The following FAM3B variants were observed in gnomAD, a reference collection of about 807,000 sequenced individuals.
FAM3B encodes FAM3 metabolism regulating signaling molecule B.
FAM3B carries 29 observed loss-of-function variants against 28.4 expected under a neutral mutation model. The observed-to-expected ratio is 1.02, with a 90% CI of 0.76 to 1.39. FAM3B has a LOEUF of 1.39. FAM3B is among the 40% of genes most tolerant of loss of function. The pLI is 0.00. For synonymous variants in FAM3B, 91 were observed against 103.0 expected, an observed-to-expected ratio of 0.88 and a Z score of 0.71; for missense variants, 266 against 293.9, an observed-to-expected ratio of 0.91 and a Z score of 0.69.
upstream of FAM3B, among the ~76,000 whole-genome samples, chr21:41,312,712 T>C (rs2088721753): frequency 6.9e-6 from 1 of 145,498 alleles, no homozygotes; most frequent in Admixed American, 7.0e-5. Context: ...GGTCTCACTG[T>C]GTGTGTGAGA....
chr21:41,316,691 C>T (rs867681934), upstream of FAM3B: 61 of 434,746 alleles, frequency 1.4e-4, no homozygotes, highest in African/African-American at 1.2e-3. Flanking sequence ...GCACCTGCCC[C>T]GCCCACGCCC....
upstream of FAM3B, among the ~76,000 whole-genome samples, chr21:41,315,009 C>G (rs559301993): frequency 9.5e-4 from 145 of 152,192 alleles, 2 homozygotes; most frequent in Middle Eastern, 3.4e-3. Flanking sequence ...GTATTATTCA[C>G]AGTAATTAAG....
chr21:41,335,455 A>C (rs994408051), intron 2 of FAM3B, among the ~76,000 whole-genome samples: 3 of 152,016 alleles, frequency 2.0e-5, no homozygotes, highest in Admixed American at 2.0e-4. Context: ...ATAACAGTGA[A>C]TTTTCATGAG....
rs414382 is a variant in FAM3B, at chr21:41,326,119, C to T, written c.163+3053C>T. On this transcript the variant is annotated intron_variant, in intron 2 of 7. Coordinates refer to ENST00000357985, the MANE Select transcript of FAM3B (RefSeq NM_058186.4). This position sits in a 1 kb window ranked among gnomAD's most constrained non-coding sequence, Gnocchi z 4.0. ...TCCCTGGCTAGGACACTGGCTTCTA[C>T]GTAAGCCACATGAACTTTACCTTTT... Among the ~76,000 whole-genome samples, 6 of 152,202 alleles carry T rather than the reference C, an allele frequency of 3.9e-5. No homozygotes were observed. Among genetic ancestry groups the T allele is most frequent in the Non-Finnish European group, 5.9e-5 (4 of 68,048 alleles).
At chr21:41,353,997 A>C (rs2089143296) in intron 7 of FAM3B, among the ~76,000 whole-genome samples, 1 of 152,262 alleles carries the variant, frequency 6.6e-6, no homozygotes, top group South Asian at 2.1e-4. Flanking sequence ...GACATTTATC[A>C]AAAGAAGACA....
chr21:41,311,249 A>ATATATAT (rs1235386831), intron 1 of FAM3B, among the ~76,000 whole-genome samples: 2 of 56,638 alleles, frequency 3.5e-5, no homozygotes, highest in Non-Finnish European at 6.4e-5. Flanking sequence ...AAAAAAAAAA[A>ATATATAT]AAATATATAT....
intron 1 of FAM3B, chr21:41,319,398 G>A (rs988366750): frequency 2.0e-5 from 3 of 152,192 alleles, no homozygotes; most frequent in African/African-American, 7.2e-5. Context: ...CCTGTCTGCT[G>A]GGCAGCAAGC....
chr21:41,356,962 A>T (rs557056757), intron 7 of FAM3B, 146 bp from the exon 8 acceptor site: 35 of 322,896 alleles, frequency 1.1e-4, no homozygotes, highest in Non-Finnish European at 1.8e-4. Flanking sequence ...AATTATTATT[A>T]AGAAATGTAT....
intron 1 of FAM3B, among the ~76,000 whole-genome samples, chr21:41,308,515 T>C: frequency 6.6e-6 from 1 of 150,836 alleles, no homozygotes; most frequent in South Asian, 2.1e-4. Context: ...CTTTTGATTG[T>C]TGGTTTTTGT....
chr21:41,305,686 T>C (rs2088679414), intron 1 of FAM3B, among the ~76,000 whole-genome samples: 1 of 152,184 alleles, frequency 6.6e-6, no homozygotes, highest in Non-Finnish European at 1.5e-5. Flanking sequence ...TAAAATACAA[T>C]GTGCATACCT....
chr21:41,315,933 C>T (rs759318576), upstream of FAM3B, among the ~76,000 whole-genome samples: 3 of 152,124 alleles, frequency 2.0e-5, no homozygotes, highest in South Asian at 2.1e-4. Flanking sequence ...AAGAACCAGC[C>T]GGACCCTGGG....
chr21:41,313,800 T>TTTG (rs71332324), upstream of FAM3B, among the ~76,000 whole-genome samples: 55,431 of 151,082 alleles, frequency 0.37, 10,662 homozygotes, highest in East Asian at 0.67. Context: ...GTGGGGCATT[T>TTTG]TTGTTGTTGT....
chr21:41,315,010 A>G (rs572437918), upstream of FAM3B, among the ~76,000 whole-genome samples: 145 of 152,324 alleles, frequency 9.5e-4, 2 homozygotes, highest in Middle Eastern at 3.4e-3. Flanking sequence ...TATTATTCAC[A>G]GTAATTAAGA....
At chr21:41,312,952 G>A (rs183142989), upstream of FAM3B, among the ~76,000 whole-genome samples, 8 of 152,320 alleles carry the variant, frequency 5.3e-5, no homozygotes, top group African/African-American at 1.9e-4. Context: ...GGGCAGGGCA[G>A]AGTGTAGCGA....
At chr21:41,304,289 G>T in exon 1 of FAM3B, 1 of 456,196 alleles carries the variant, frequency 2.2e-6, no homozygotes, top group South Asian at 1.5e-5. Context: ...TCCACCGTGC[G>T]AAGGCAGGAG....
At chr21:41,308,975 T>A (rs1320483863) in intron 1 of FAM3B, among the ~76,000 whole-genome samples, 1 of 152,138 alleles carries the variant, frequency 6.6e-6, no homozygotes, top group Non-Finnish European at 1.5e-5. Flanking sequence ...CCACTTTAGA[T>A]TCATCTTCAC....
At chr21:41,322,506 T>C (rs1303381703) in intron 1 of FAM3B, 1 of 697,928 alleles carries the variant, frequency 1.4e-6, no homozygotes, top group Non-Finnish European at 2.7e-6. Flanking sequence ...GCTTTACCCC[T>C]GAAGGTTTCA....
chr21:41,304,737 C>G lies in FAM3B; in HGVS notation n.99+427C>G, dbSNP rs115981726. Among the ~76,000 whole-genome samples the G allele has an allele frequency of 2.8e-3, 424 of 152,296 alleles. 1 individual carries two copies. Among genetic ancestry groups the G allele is most frequent in the African/African-American group, 9.8e-3 (408 of 41,574 alleles). On this transcript the variant is annotated intron_variant and non_coding_transcript_variant, in intron 1 of 9. Coordinates refer to the FAM3B transcript ENST00000479810. ...AACCTACTTCAGGGGGAGGGTGACG[C>G]CTGGGGATGGGATCCTCCTGCTTGT...
At chr21:41,321,862 A>G (rs141524637) in intron 1 of FAM3B, among the ~76,000 whole-genome samples, 20 of 152,276 alleles carry the variant, frequency 1.3e-4, no homozygotes, top group Admixed American at 3.3e-4. Flanking sequence ...GGTGGGGCCC[A>G]TTGTCAGGCC....
Sources: allele counts gnomAD v4.1 joint callset (sites outside exome capture counted in the v4.1 genomes callset), GRCh38; gene constraint gnomAD v4.1.1; non-coding constraint Gnocchi (gnomAD v3.1); transcripts MANE v1.5; gene names NCBI Gene and HGNC (gene_info 2026-07-23, HGNC 2026-07-21).